The following UBR3 variants were observed in gnomAD, a reference collection of about 807,000 sequenced individuals.
UBR3 encodes ubiquitin protein ligase E3 component n-recognin 3, also known as E3 ubiquitin-protein ligase UBR3.
Under a neutral mutation model 243.2 loss-of-function variants are expected in UBR3, and 85 were observed. The ratio of observed to expected loss-of-function variants is 0.35; its 90% CI spans 0.29 to 0.42. The LOEUF (loss-of-function observed/expected upper bound fraction) is 0.42, where lower values mean the gene tolerates loss of function less well. Ranked by LOEUF, UBR3 falls within the 10% of genes least tolerant of loss-of-function variation. The pLI, the probability that UBR3 is intolerant of heterozygous loss-of-function variation, is 1.00. For missense variants in UBR3, 1,686 were observed against 2,300.8 expected (o/e 0.73, Z 5.47); for synonymous variants, 748 against 799.8 (o/e 0.94, Z 1.09).
At chr2:169,881,441 A>G (rs2083820727) in intron 5 of UBR3, among the ~76,000 whole-genome samples, 1 of 152,002 alleles carries the variant, frequency 6.6e-6, no homozygotes, top group Non-Finnish European at 1.5e-5. Flanking sequence ...GGCCTCCCAA[A>G]GTGCTGGGAT....
chr2:169,927,527 A>G, intron 17 of UBR3, 122 bp downstream of exon 17: 2 of 762,368 alleles, frequency 2.6e-6, no homozygotes, highest in Non-Finnish European at 2.0e-6. Flanking sequence ...ATATAGAAAA[A>G]GAAGAACACC....
At chr2:170,071,226 A>T (rs962187867) in intron 35 of UBR3, among the ~76,000 whole-genome samples, 1 of 152,316 alleles carries the variant, frequency 6.6e-6, no homozygotes, top group Admixed American at 6.5e-5. Context: ...CTAAGTATCA[A>T]CTGGAAGAAA....
At chr2:169,911,658 C>T (rs1574182270) in intron 10 of UBR3, among the ~76,000 whole-genome samples, 1 of 152,004 alleles carries the variant, frequency 6.6e-6, no homozygotes, top group Non-Finnish European at 1.5e-5. Flanking sequence ...GTCTTAGTAC[C>T]TACTTGTCAA....
At position 169,836,056 on chromosome 2, in the gene UBR3, TATATATATA is replaced by T. The variant is rs1171458776; in HGVS notation, c.545+8005_545+8013del. On this transcript the variant is annotated intron_variant, in intron 1 of 38. Coordinates refer to ENST00000272793, the MANE Select transcript of UBR3 (RefSeq NM_172070.4). The stretch of plus-strand genomic sequence containing the variant: ...CTCTCTCTCTCTCTATATATATATA[TATATATATA>T]TATTTTTTTTTTTTTTTTTTTTTTT... Among the ~76,000 whole-genome samples, 15 of 55,846 alleles carry T rather than the reference TATATATATA, an allele frequency of 2.7e-4. 2 individuals are homozygous for T. The highest frequency in any genetic ancestry group is 5.5e-4 in the Non-Finnish European group (13 of 23,612). 36.6% of individuals were successfully genotyped at this position (55,846 alleles called of 152,430 possible).
At chr2:169,970,198 T>G (rs1311916053) in intron 24 of UBR3, among the ~76,000 whole-genome samples, 10 of 151,120 alleles carry the variant, frequency 6.6e-5, no homozygotes, top group African/African-American at 2.4e-4. Context: ...GTTTTCCTTG[T>G]AGGAGCTTTT....
intron 1 of UBR3, among the ~76,000 whole-genome samples, chr2:169,862,716 T>C (rs1057394908): frequency 3.3e-5 from 5 of 152,216 alleles, no homozygotes; most frequent in Non-Finnish European, 7.3e-5. Context: ...TAGGTAGATA[T>C]CATATATGTT....
intron 1 of UBR3, among the ~76,000 whole-genome samples, chr2:169,871,015 CTATT>C (rs1196185922): frequency 2.0e-5 from 3 of 150,764 alleles, no homozygotes; most frequent in Non-Finnish European, 3.0e-5. Flanking sequence ...TTGTTTTTCT[CTATT>C]TATTCAGATC....
At chr2:170,044,829 G>A (rs2091045380) in intron 32 of UBR3, among the ~76,000 whole-genome samples, 1 of 152,118 alleles carries the variant, frequency 6.6e-6, no homozygotes, top group Non-Finnish European at 1.5e-5. Flanking sequence ...CTAGTTTAAG[G>A]CAGCAGGATG....
At position 170,073,573 on chromosome 2, in the gene UBR3, A is replaced by C. The variant is rs2091744797; in HGVS notation, c.5165A>C (p.Lys1722Thr). The change falls in exon 36 of 39, where the codon AAA becomes ACA. Residue 1722 changes from lysine to threonine, a missense_variant. By Grantham distance (78) the Lys-to-Thr change is moderately conservative. Around this residue, in one of 8 missense-constraint regions of UBR3, gnomAD observed 371 missense variants for 422.5 expected, o/e 0.88. Transcript: ENST00000272793. ...DIITQWCFEI[K>T]SFTERHAEQG... Reference sequence around the variant, plus strand: ...ATAACTCAGTGGTGTTTTGAGATAAAATCATTTACTGAAAGACATGCAGAA... The same window carrying C: ...ATAACTCAGTGGTGTTTTGAGATAACATCATTTACTGAAAGACATGCAGAA... 1 of 1,613,424 alleles carries C rather than the reference A, an allele frequency of 6.2e-7. No individual in the cohort carries two copies. Among genetic ancestry groups the C allele is most frequent in the Non-Finnish European group, 8.5e-7 (1 of 1,179,592 alleles).
chr2:169,861,386 G>T (rs2083084309), intron 1 of UBR3, among the ~76,000 whole-genome samples: 1 of 152,196 alleles, frequency 6.6e-6, no homozygotes, highest in Non-Finnish European at 1.5e-5. Flanking sequence ...GAGGCGGGTG[G>T]ATCACGAGGT....
intron 2 of UBR3, 135 bp downstream of exon 2, chr2:169,872,510 G>A (rs879786795): frequency 2.9e-5 from 18 of 619,466 alleles, no homozygotes; most frequent in South Asian, 1.7e-4. Flanking sequence ...TATAAAATAC[G>A]GATTGAATAG....
intron 1 of UBR3, among the ~76,000 whole-genome samples, chr2:169,853,767 AG>A (rs2082742281): frequency 1.5e-5 from 2 of 137,922 alleles, no homozygotes; most frequent in African/African-American, 2.6e-5. Context: ...TTCTTTATAA[AG>A]GGACTTCGTT....
Position 169,946,355 on chromosome 2 carries a change from G to T in UBR3, c.2873G>T (p.Gly958Val). 6.6e-7 allele frequency: 1 copy of T among 1,504,666 alleles called. No individual in the cohort carries two copies. The highest frequency in any genetic ancestry group is 1.3e-5 in the South Asian group (1 of 75,986). The allele number at this position is 1,504,666 out of a possible 1,614,324, so 93.2% of individuals were successfully genotyped here. The change falls in exon 21 of 39, where the codon GGA becomes GTA. Residue 958 changes from glycine to valine, a missense_variant. Around this residue, in one of 8 missense-constraint regions of UBR3, gnomAD observed 300 missense variants for 314.4 expected, o/e 0.95. Transcript: ENST00000272793. ...ATGGTTTTATATCTGATTGAATTAG[G>T]ACTTGAAAATTCTGCTGAAGAAGAA... Reference protein sequence around the residue: ...LCMVLYLIELGLENSAEEESD... With the variant: ...LCMVLYLIELVLENSAEEESD...
chr2:169,934,664 T>C (rs763215018), intron 19 of UBR3, among the ~76,000 whole-genome samples: 8 of 152,208 alleles, frequency 5.3e-5, no homozygotes, highest in Non-Finnish European at 1.2e-4. Flanking sequence ...TCTTGCAAAC[T>C]AAAATGAAAA....
chr2:170,041,420 G>A (rs972124816), intron 32 of UBR3, among the ~76,000 whole-genome samples: 5 of 152,046 alleles, frequency 3.3e-5, no homozygotes, highest in African/African-American at 1.2e-4. Context: ...ATGAAAATTC[G>A]AAAAATAGAG....
chr2:169,832,409 G>A (rs1368775410), intron 1 of UBR3, among the ~76,000 whole-genome samples: 1 of 151,892 alleles, frequency 6.6e-6, no homozygotes, highest in Non-Finnish European at 1.5e-5. Context: ...AATTAGTCAG[G>A]CGTGGTGGTG....
chr2:169,875,878 T>C lies in UBR3; in HGVS notation c.773T>C (p.Met258Thr). The C allele has an allele frequency of 6.5e-7, 1 of 1,550,254 alleles. No individual in the cohort carries two copies. Among genetic ancestry groups the C allele is most frequent in the Non-Finnish European group, 8.7e-7 (1 of 1,146,232 alleles). Residue 258 changes from methionine (M) to threonine (T), a missense_variant, in exon 3 of 39, where the codon ATG becomes ACG. Physicochemically the swap from Met to Thr is moderately conservative, Grantham distance 81. Coordinates refer to ENST00000272793, the MANE Select transcript of UBR3 (RefSeq NM_172070.4). ...QISFLEDLTK[M>T]GGAMRSVLTQ... ...TCCTTTTTAGAAGACCTGACTAAAA[T>C]GGGAGGAGCAATGCGGTCTGTTCTT...
chr2:170,058,774 C>T (rs944128909), intron 33 of UBR3, among the ~76,000 whole-genome samples: 1 of 152,142 alleles, frequency 6.6e-6, no homozygotes. Flanking sequence ...CCTTGGCCTC[C>T]CAAAGTGCTG....
intron 8 of UBR3, among the ~76,000 whole-genome samples, chr2:169,897,518 A>G (rs1020387108): frequency 1.3e-5 from 2 of 152,016 alleles, no homozygotes; most frequent in African/African-American, 4.8e-5. Context: ...TTATTTTTTG[A>G]GACAGAGTCT....
Sources: gnomAD v4.1 joint callset for allele counts (sites outside exome capture counted in the v4.1 genomes callset) on GRCh38, gnomAD v4.1.1 for gene constraint, gnomAD v4.1.1 regional missense constraint, MANE v1.5 for transcripts, NCBI Gene and HGNC (gene_info 2026-07-23, HGNC 2026-07-21) for gene names.